Variants in AKR1E2 observed in about 807,000 individuals in gnomAD.
AKR1E2 encodes the protein aldo-keto reductase family 1 member E2.
AKR1E2 carries 43 observed loss-of-function variants against 41.9 expected under a neutral mutation model. The observed-to-expected ratio is 1.03, with a 90% CI of 0.80 to 1.32. The LOEUF is 1.32. Among genes scored for constraint, AKR1E2 ranks in the 40% most tolerant of loss-of-function variants. AKR1E2 has a pLI of 0.00. For synonymous variants in AKR1E2, 121 were observed against 138.9 expected, an observed-to-expected ratio of 0.87 and a Z score of 0.91; for missense variants, 423 against 396.5, an observed-to-expected ratio of 1.07 and a Z score of -0.57.
At chr10:4,847,109 T>G in intron 8 of AKR1E2, 39 bp from the exon 9 acceptor site, 1 of 1,612,714 alleles carries the variant, frequency 6.2e-7, no homozygotes, top group Non-Finnish European at 8.5e-7. Context: ...AAATGTGAAT[T>G]AAACTAAGTT....
chr10:4,842,296 G>A, intron 7 of AKR1E2, 125 bp from the exon 8 acceptor site: 1 of 783,976 alleles, frequency 1.3e-6, no homozygotes, highest in Non-Finnish European at 2.1e-6. Flanking sequence ...GTGAATGCCA[G>A]TAACAATAGC....
At chr10:4,854,097 T>G in the AKR1E2 span, among the ~76,000 whole-genome samples, 62,318 of 120,408 alleles carry the variant, frequency 0.52, 14,456 homozygotes, top group East Asian at 0.6. Flanking sequence ...TTTTTTTTTT[T>G]TTTTTTTTTT....
the AKR1E2 span, among the ~76,000 whole-genome samples, chr10:4,863,883 C>T: frequency 6.6e-6 from 1 of 152,162 alleles, no homozygotes; most frequent in Non-Finnish European, 1.5e-5. Context: ...AATTCCTCGA[C>T]ACATAAACCC....
downstream of AKR1E2, among the ~76,000 whole-genome samples, chr10:4,852,165 G>A (rs1033165559): frequency 1.3e-5 from 2 of 152,184 alleles, no homozygotes; most frequent in Non-Finnish European, 2.9e-5. Context: ...TGTGAGACTG[G>A]ATTGGTGAGT....
the AKR1E2 span, among the ~76,000 whole-genome samples, chr10:4,870,345 A>C: frequency 6.6e-6 from 1 of 152,102 alleles, no homozygotes; most frequent in Non-Finnish European, 1.5e-5. Flanking sequence ...GGGCAAGAAC[A>C]ATCTACTGCG....
chr10:4,867,147 A>C, the AKR1E2 span, among the ~76,000 whole-genome samples: 33,178 of 152,184 alleles, frequency 0.22, 3,831 homozygotes, highest in Middle Eastern at 0.33. Context: ...TCAACCTACC[A>C]TCAGGAATGA....
At chr10:4,843,428 GGCA>G (rs1834042618) in intron 8 of AKR1E2, among the ~76,000 whole-genome samples, 1 of 152,198 alleles carries the variant, frequency 6.6e-6, no homozygotes, top group African/African-American at 2.4e-5. Context: ...AGGCATTGGT[GGCA>G]GCCCACACCC....
At chr10:4,837,368 G>A (rs752434464) in intron 4 of AKR1E2, 91 bp from the exon 5 acceptor site, 9 of 1,483,130 alleles carry the variant, frequency 6.1e-6, no homozygotes, top group Non-Finnish European at 8.2e-6. Flanking sequence ...GGTCCAACCA[G>A]TTTTAGAATA....
intron 4 of AKR1E2, 55 bp downstream of exon 4, chr10:4,835,864 A>T (rs1833372455): frequency 6.2e-7 from 1 of 1,603,582 alleles, no homozygotes; most frequent in African/African-American, 1.3e-5. Context: ...TCCACCCAGG[A>T]TGCAGTGAGC....
At position 4,835,726 on chromosome 10, in the gene AKR1E2, T is replaced by C; in HGVS notation, c.376T>C (p.Ser126Pro). Residue 126 changes from serine to proline, a missense_variant, in exon 4 of 10, where the codon TCA becomes CCA. Physicochemically the swap from Ser to Pro is moderately conservative, Grantham distance 74 (BLOSUM62 -1). Coordinates refer to ENST00000298375, the MANE Select transcript of AKR1E2 (RefSeq NM_001040177.3). Reference protein sequence around the residue: ...MSCSELSFCLSHPRVQDLPLD... With the variant: ...MSCSELSFCLPHPRVQDLPLD... ...CTGCAGTGAACTTTCCTTCTGCCTC[T>C]CACATCCTCGAGTGCAGGACTTGCC... 6.2e-7 allele frequency: 1 copy of C among 1,614,194 alleles called. No homozygotes were observed.
At position 4,826,244 on chromosome 10, in the gene AKR1E2, G is replaced by A. The variant is rs1001080758; in HGVS notation, c.-81G>A. On this transcript the variant is annotated 5_prime_UTR_variant, in exon 1 of 10. Coordinates refer to ENST00000298375, the MANE Select transcript of AKR1E2 (RefSeq NM_001040177.3). ...TTCCAGCCAGTCGCAACGGCGGGTC[G>A]CCAGCGCCGCAGTAGCTCGCGCGGT... The A allele has an allele frequency of 8.6e-7, 1 of 1,156,138 alleles. No homozygotes were observed. The highest frequency in any genetic ancestry group is 1.1e-6 in the Non-Finnish European group (1 of 918,152). 71.6% of individuals were successfully genotyped at this position (1,156,138 alleles called of 1,614,324 possible). A position where few individuals can be genotyped will look rare whatever the true frequency, so the allele number is the denominator to read the frequency against.
In AKR1E2 at chr10:4,848,061, A is replaced by C. The variant is rs1403705433; in HGVS notation, c.*531A>C. 2 of 148,164 alleles carry C rather than the reference A, an allele frequency of 1.3e-5. No homozygotes were observed. The highest frequency in any genetic ancestry group is 4.9e-5 in the African/African-American group (2 of 40,716). The allele number at this position is 148,164 out of a possible 1,614,324, so 9.2% of individuals were successfully genotyped here. ...TAAAGAGGCTTTTTTCTTCCTTAAA[A>C]ATCTGAATTTTAATTTCTTTTTTTT... On this transcript the variant is annotated 3_prime_UTR_variant, in exon 10 of 10. Coordinates refer to ENST00000298375, the MANE Select transcript of AKR1E2 (RefSeq NM_001040177.3).
the AKR1E2 span, among the ~76,000 whole-genome samples, chr10:4,865,067 AAAGG>A: frequency 3.3e-5 from 5 of 152,326 alleles, no homozygotes; most frequent in African/African-American, 9.6e-5. Context: ...GCCTAAAAGT[AAAGG>A]AAGGAACGAT....
At chr10:4,853,460 C>CG in the AKR1E2 span, among the ~76,000 whole-genome samples, 1 of 133,126 alleles carries the variant, frequency 7.5e-6, no homozygotes, top group Non-Finnish European at 1.7e-5. Context: ...AAAAAAAAAC[C>CG]AAACTCTGTA....
At chr10:4,829,958 CTT>C (rs1321169248) in intron 1 of AKR1E2, among the ~76,000 whole-genome samples, 11 of 152,140 alleles carry the variant, frequency 7.2e-5, no homozygotes, top group Non-Finnish European at 1.5e-4. Flanking sequence ...CTTTTTCTAA[CTT>C]AAGATGGATA....
the AKR1E2 span, among the ~76,000 whole-genome samples, chr10:4,861,494 C>T: frequency 6.6e-6 from 1 of 151,992 alleles, no homozygotes; most frequent in African/African-American, 2.4e-5. Context: ...CCTTAGCCTA[C>T]CAAGCAGCTG....
chr10:4,870,139 A>G, the AKR1E2 span, among the ~76,000 whole-genome samples: 1 of 152,056 alleles, frequency 6.6e-6, no homozygotes, highest in Non-Finnish European at 1.5e-5. Context: ...TTACATACAC[A>G]CAATTATCAC....
intron 4 of AKR1E2, among the ~76,000 whole-genome samples, chr10:4,837,017 G>A (rs146335255): frequency 1.5e-4 from 23 of 152,280 alleles, no homozygotes; most frequent in South Asian, 6.2e-4. Context: ...TGATGTATCC[G>A]TGTGCTTAAG....
In AKR1E2 at chr10:4,847,209, T is replaced by G; in HGVS notation, c.899T>G (p.Leu300Arg). 2 of 1,614,190 alleles carry G rather than the reference T, an allele frequency of 1.2e-6. No individual in the cohort carries two copies. The highest frequency in any genetic ancestry group is 1.7e-6 in the Non-Finnish European group (2 of 1,180,018). ...MDNILSLNRNLRLAMFPITKN... is the reference protein window; with the variant it reads ...MDNILSLNRNRRLAMFPITKN... Reference sequence around the variant, plus strand: ...AACATCCTCAGCCTAAACAGGAATCTCCGACTGGCCATGTTCCCCATGTAA... The same window carrying G: ...AACATCCTCAGCCTAAACAGGAATCGCCGACTGGCCATGTTCCCCATGTAA... Residue 300 changes from leucine to arginine, a missense_variant, in exon 9 of 10, where the codon CTC (leucine) becomes CGC (arginine). Physicochemically the swap from Leu to Arg is moderately radical, Grantham distance 102. Coordinates refer to ENST00000298375, the MANE Select transcript of AKR1E2 (RefSeq NM_001040177.3).
Sources: allele counts gnomAD v4.1 joint callset (sites outside exome capture counted in the v4.1 genomes callset), GRCh38; gene constraint gnomAD v4.1.1; transcripts MANE v1.5; gene names NCBI Gene and HGNC (gene_info 2026-07-23, HGNC 2026-07-21).